Variants in DYRK2 observed in about 807,000 individuals in gnomAD.
DYRK2 encodes dual specificity tyrosine-phosphorylation-regulated kinase 2.
In DYRK2, 12 loss-of-function variants were observed where a neutral mutation model predicts 41.6. The ratio of observed to expected loss-of-function variants is 0.29; its 90% CI spans 0.18 to 0.47. The LOEUF is 0.47. DYRK2 is among the 20% of genes least tolerant of loss of function. The probability of loss-of-function intolerance (pLI) is 1.00; values close to 1 mark genes in which losing one functional copy is unlikely to be tolerated. For missense variants in DYRK2, 678 were observed against 798.4 expected (o/e 0.85, Z 1.82); for synonymous variants, 322 against 315.7 (o/e 1.02, Z -0.21).
intron 2 of DYRK2, among the ~76,000 whole-genome samples, 194 bp from the exon 3 acceptor site, chr12:67,656,912 C>T (rs754531563): frequency 7.2e-5 from 11 of 152,094 alleles, no homozygotes; most frequent in Non-Finnish European, 1.5e-4. Context: ...ATATGTACAG[C>T]AAACCATCTT....
intron 2 of DYRK2, chr12:67,651,638 A>T (rs1045246591): frequency 2.2e-6 from 1 of 455,564 alleles, no homozygotes; most frequent in Non-Finnish European, 4.4e-6. Context: ...GCTGTTAATT[A>T]TTAGATGCTT....
intron 2 of DYRK2, among the ~76,000 whole-genome samples, chr12:67,650,650 G>T (rs764305720): frequency 6.6e-6 from 1 of 152,214 alleles, no homozygotes. Context: ...GTCTCTGGGA[G>T]GGGAGAGGCC....
rs1205332391 is a variant in DYRK2, at chr12:67,664,662, A to G, written c.*5949A>G. The G allele has an allele frequency of 6.6e-6, 1 of 152,178 alleles. No individual in the cohort carries two copies. Among genetic ancestry groups the G allele is most frequent in the African/African-American group, 2.4e-5 (1 of 41,446 alleles). 9.4% of individuals were successfully genotyped at this position (152,178 alleles called of 1,614,324 possible). A position where few individuals can be genotyped will look rare whatever the true frequency, so the allele number is the denominator to read the frequency against. The stretch of plus-strand genomic sequence containing the variant: ...GGAAAATCCATAATACATAAAACAC[A>G]AAAGTTTAGAAAGGGGGGGAAGTTG... On this transcript the variant is annotated 3_prime_UTR_variant, in exon 3 of 3. Transcript: ENST00000344096.
chr12:67,662,238 A>T lies in DYRK2; in HGVS notation c.*3525A>T, dbSNP rs1426260535. On this transcript the variant is annotated 3_prime_UTR_variant, in exon 3 of 3. Transcript: ENST00000344096. ...CCCAACATAATGCTGTAATAGCATT[A>T]AAAAAAGTATTTGTGAACTCTGTTT... 1 of 166,962 alleles carries T rather than the reference A, an allele frequency of 6.0e-6. No individual in the cohort carries two copies. Among genetic ancestry groups the T allele is most frequent in the Admixed American group, 6.5e-5 (1 of 15,270 alleles). The allele number at this position is 166,962 out of a possible 1,614,324, so 10.3% of individuals were successfully genotyped here. A position where few individuals can be genotyped will look rare whatever the true frequency, so the allele number is the denominator to read the frequency against.
In DYRK2 at chr12:67,657,906, G is replaced by A; in HGVS notation, c.999G>A (p.Leu333=). Residue 333 remains leucine, a synonymous_variant, in exon 3 of 3, where the codon CTG becomes CTA. Transcript: ENST00000344096. This position sits in a 1 kb window ranked among gnomAD's most constrained non-coding sequence, Gnocchi z 4.8. ...PLVRKFAHSI[L]QCLDALHKNR... ...TTCGCAAGTTTGCCCACTCGATTCT[G>A]CAGTGCTTGGATGCTTTGCACAAAA... 1 of 1,614,246 alleles carries A rather than the reference G, an allele frequency of 6.2e-7. No homozygotes were observed. Among genetic ancestry groups the A allele is most frequent in the Non-Finnish European group, 8.5e-7 (1 of 1,180,046 alleles).
chr12:67,664,200 C>T lies in DYRK2; in HGVS notation c.*5487C>T, dbSNP rs1355616619. ...TGGTTTGTTTCCTTATTTGGTTTGA[C>T]TTTGACTTACTATTTTGCTATGGTC... On this transcript the variant is annotated 3_prime_UTR_variant, in exon 3 of 3. Coordinates refer to ENST00000344096, the MANE Select transcript of DYRK2 (RefSeq NM_006482.3). 2 of 152,068 alleles carry T rather than the reference C, an allele frequency of 1.3e-5. No individual in the cohort carries two copies. Among genetic ancestry groups the T allele is most frequent in the East Asian group, 3.8e-4 (2 of 5,196 alleles). The allele number at this position is 152,068 out of a possible 1,614,324, so 9.4% of individuals were successfully genotyped here.
chr12:67,663,527 G>A lies in DYRK2; in HGVS notation c.*4814G>A, dbSNP rs941764689. The A allele has an allele frequency of 6.6e-6, 1 of 152,044 alleles. No homozygotes were observed. Among genetic ancestry groups the A allele is most frequent in the African/African-American group, 2.4e-5 (1 of 41,404 alleles). 9.4% of individuals were successfully genotyped at this position (152,044 alleles called of 1,614,324 possible). ...TCCCAATTGCCTCGTCATAGCCTGG[G>A]CCATAGATTTTTGTTACTGCTAATC... On this transcript the variant is annotated 3_prime_UTR_variant, in exon 3 of 3. Transcript: ENST00000344096.
In DYRK2 at chr12:67,657,375, T is replaced by C. The variant is rs1357441484; in HGVS notation, c.468T>C (p.Pro156=). 1.9e-6 allele frequency: 3 copies of C among 1,614,154 alleles called. No homozygotes were observed. Among genetic ancestry groups the C allele is most frequent in the Admixed American group, 3.3e-5 (2 of 60,022 alleles). ...MGKVKATPMT[P]EQAMKQYMQK... Reference sequence around the variant, plus strand: ...AGGTGAAAGCCACCCCCATGACACCTGAACAAGCAATGAAGCAATACATGC... The same window carrying C: ...AGGTGAAAGCCACCCCCATGACACCCGAACAAGCAATGAAGCAATACATGC... Residue 156 remains proline, a synonymous_variant, in exon 3 of 3, where the codon CCT becomes CCC. Coordinates refer to ENST00000344096, the MANE Select transcript of DYRK2 (RefSeq NM_006482.3). This position sits in a 1 kb window ranked among gnomAD's most constrained non-coding sequence, Gnocchi z 4.8.
chr12:67,649,158 G>A lies in DYRK2; in HGVS notation c.25G>A (p.Ala9Thr), dbSNP rs537957540. 2.0e-6 allele frequency: 3 copies of A among 1,513,262 alleles called. No individual in the cohort carries two copies. Among genetic ancestry groups the A allele is most frequent in the African/African-American group, 1.4e-5 (1 of 69,264 alleles). 93.7% of individuals were successfully genotyped at this position (1,513,262 alleles called of 1,614,324 possible). MLTRKPSA[A>T]APAAYPTGRG... ...CATGTTAACCAGGAAACCTTCGGCC[G>A]CCGCTCCCGCCGCCTACCCGACCGG... is the stretch of plus-strand genomic sequence containing the variant. The change falls in exon 1 of 3, where the codon GCC (alanine) becomes ACC (threonine). Residue 9 changes from alanine (A) to threonine (T), a missense_variant. Ala to Thr is a moderately conservative substitution (Grantham distance 58). Around this residue, in one of 2 missense-constraint regions of DYRK2, gnomAD observed 285 missense variants for 279.2 expected, o/e 1.02. Coordinates refer to ENST00000344096, the MANE Select transcript of DYRK2 (RefSeq NM_006482.3).
In DYRK2 at chr12:67,649,847, G is replaced by C; in HGVS notation, c.100G>C (p.Gly34Arg). 1 of 1,330,010 alleles carries C rather than the reference G, an allele frequency of 7.5e-7. No individual in the cohort carries two copies. Among genetic ancestry groups the C allele is most frequent in the Non-Finnish European group, 9.7e-7 (1 of 1,034,860 alleles). The allele number at this position is 1,330,010 out of a possible 1,614,324, so 82.4% of individuals were successfully genotyped here. A position where few individuals can be genotyped will look rare whatever the true frequency, so the allele number is the denominator to read the frequency against. ...TCAGCTTCAGGCTTCCCCGGGGCTC[G>C]GTGCAGGGGCCACCCGGAGCGGAGT... is the stretch of plus-strand genomic sequence containing the variant. ...VRQLQASPGL[G>R]AGATRSGVGT... Residue 34 changes from glycine (G) to arginine (R), a missense_variant, in exon 2 of 3, where the codon GGT (glycine) becomes CGT (arginine). Gly to Arg is a moderately radical substitution (Grantham distance 125, BLOSUM62 -2). Around this residue, in one of 2 missense-constraint regions of DYRK2, gnomAD observed 285 missense variants for 279.2 expected, o/e 1.02. Coordinates refer to ENST00000344096, the MANE Select transcript of DYRK2 (RefSeq NM_006482.3).
At position 67,649,840 on chromosome 12, in the gene DYRK2, G is replaced by A. The variant is rs771339249; in HGVS notation, c.93G>A (p.Pro31=). 1 of 1,330,398 alleles carries A rather than the reference G, an allele frequency of 7.5e-7. No homozygotes were observed. Among genetic ancestry groups the A allele is most frequent in the Non-Finnish European group, 9.7e-7 (1 of 1,034,830 alleles). 82.4% of individuals were successfully genotyped at this position (1,330,398 alleles called of 1,614,324 possible). The change falls in exon 2 of 3, where the codon CCG becomes CCA. Residue 31 remains proline, a synonymous_variant. Coordinates refer to ENST00000344096, the MANE Select transcript of DYRK2 (RefSeq NM_006482.3). The part of the protein sequence containing the change: ...DSAVRQLQAS[P]GLGAGATRSG... Reference sequence around the variant, plus strand: ...CCGTTCGTCAGCTTCAGGCTTCCCCGGGGCTCGGTGCAGGGGCCACCCGGA... The same window carrying A: ...CCGTTCGTCAGCTTCAGGCTTCCCCAGGGCTCGGTGCAGGGGCCACCCGGA...
Position 67,658,310 on chromosome 12 carries a change from C to T in DYRK2, c.1403C>T (p.Thr468Met), listed in dbSNP as rs1232806533. ...SKGYPRYCTV[T>M]TLSDGSVVLN... ...GGTTATCCCCGTTACTGCACTGTCA[C>T]GACTCTCTCAGATGGCTCTGTGGTC... Residue 468 changes from threonine to methionine, a missense_variant, in exon 3 of 3, where the codon ACG becomes ATG. Thr to Met is a moderately conservative substitution (Grantham distance 81, BLOSUM62 -1). This residue lies in a region of DYRK2 where 393 missense variants were observed against 519.1 expected (regional missense o/e 0.76). Transcript: ENST00000344096. This position sits in a 1 kb window ranked among gnomAD's most constrained non-coding sequence, Gnocchi z 4.3. The T allele has an allele frequency of 1.3e-5, 21 of 1,614,052 alleles. No individual in the cohort carries two copies. Among genetic ancestry groups the T allele is most frequent in the Non-Finnish European group, 1.7e-5 (20 of 1,180,014 alleles).
rs1872712895 is a variant in DYRK2, at chr12:67,665,131, C to A, written c.*6418C>A. Reference sequence around the variant, plus strand: ...AATTTCAAATACAATTTTAAAATACCAATTTGTAAATAAACCAATTTTACA... The same window carrying A: ...AATTTCAAATACAATTTTAAAATACAAATTTGTAAATAAACCAATTTTACA... On this transcript the variant is annotated 3_prime_UTR_variant, in exon 3 of 3. Coordinates refer to ENST00000344096, the MANE Select transcript of DYRK2 (RefSeq NM_006482.3). 1 of 151,932 alleles carries A rather than the reference C, an allele frequency of 6.6e-6. No homozygotes were observed. Among genetic ancestry groups the A allele is most frequent in the Non-Finnish European group, 1.5e-5 (1 of 67,958 alleles). The allele number at this position is 151,932 out of a possible 1,614,324, so 9.4% of individuals were successfully genotyped here.
rs1872628852 is a variant in DYRK2 at position 67,661,734 on chromosome 12, T to G, written c.*3021T>G. 6.0e-6 allele frequency: 1 copy of G among 167,052 alleles called. No individual in the cohort carries two copies. Among genetic ancestry groups the G allele is most frequent in the South Asian group, 2.1e-4 (1 of 4,832 alleles). 10.3% of individuals were successfully genotyped at this position (167,052 alleles called of 1,614,324 possible). ...CCATCAGGTAGTGTTACACAAGGAC[T>G]TCCTATATTTAAGGGGTTAAAGATG... On this transcript the variant is annotated 3_prime_UTR_variant, in exon 3 of 3. Coordinates refer to ENST00000344096, the MANE Select transcript of DYRK2 (RefSeq NM_006482.3).
rs1411727851 is a variant in DYRK2, at chr12:67,660,578, T to G, written c.*1865T>G. The G allele has an allele frequency of 6.0e-6, 1 of 167,024 alleles. No individual in the cohort carries two copies. The highest frequency in any genetic ancestry group is 2.4e-5 in the African/African-American group (1 of 41,472). 10.3% of individuals were successfully genotyped at this position (167,024 alleles called of 1,614,324 possible). A position where few individuals can be genotyped will look rare whatever the true frequency, so the allele number is the denominator to read the frequency against. ...TATAGCTTCTTTTCCCTTAGTCAAA[T>G]TTTTTAGCATATTATACACATTTCT... On this transcript the variant is annotated 3_prime_UTR_variant, in exon 3 of 3. Transcript: ENST00000344096.
Position 67,660,127 on chromosome 12 carries a change from T to G in DYRK2, c.*1414T>G, listed in dbSNP as rs1872583668. The G allele has an allele frequency of 6.0e-6, 1 of 167,042 alleles. No individual in the cohort carries two copies. The highest frequency in any genetic ancestry group is 2.4e-5 in the African/African-American group (1 of 41,424). The allele number at this position is 167,042 out of a possible 1,614,324, so 10.3% of individuals were successfully genotyped here. A position where few individuals can be genotyped will look rare whatever the true frequency, so the allele number is the denominator to read the frequency against. On this transcript the variant is annotated 3_prime_UTR_variant, in exon 3 of 3. Coordinates refer to ENST00000344096, the MANE Select transcript of DYRK2 (RefSeq NM_006482.3). ...TGTATGAGCAATGATCTATATCAAT[T>G]TCAAGGCACGTGAAAAAAATTTTTT...
At chr12:67,653,189 C>T (rs79798591) in intron 2 of DYRK2, among the ~76,000 whole-genome samples, 2,930 of 152,178 alleles carry the variant, frequency 0.019, 91 homozygotes, top group African/African-American at 0.065. Flanking sequence ...TCGGAATAAG[C>T]CATGATCTCA....
At position 67,649,901 on chromosome 12, in the gene DYRK2, C is replaced by G; in HGVS notation, c.154C>G (p.Leu52Val). 1 of 1,386,420 alleles carries G rather than the reference C, an allele frequency of 7.2e-7. No homozygotes were observed. The highest frequency in any genetic ancestry group is 9.3e-7 in the Non-Finnish European group (1 of 1,076,728). 85.9% of individuals were successfully genotyped at this position (1,386,420 alleles called of 1,614,324 possible). A position where few individuals can be genotyped will look rare whatever the true frequency, so the allele number is the denominator to read the frequency against. ...GACTGGCCCGCCCTCCCCCATCGCC[C>G]TGCCGCCTCTCCGGGCCAGCAACGC... is the stretch of plus-strand genomic sequence containing the variant. ...VGTGPPSPIA[L>V]PPLRASNAAA... Residue 52 changes from leucine (L) to valine (V), a missense_variant, in exon 2 of 3, where the codon CTG becomes GTG. By Grantham distance (32) the Leu-to-Val change is conservative. This residue lies in a region of DYRK2 where 285 missense variants were observed against 279.2 expected (regional missense o/e 1.02). Transcript: ENST00000344096.
intron 1 of DYRK2, 171 bp from the exon 2 acceptor site, chr12:67,649,626 G>C: frequency 2.6e-6 from 2 of 758,466 alleles, no homozygotes; most frequent in East Asian, 3.4e-5. Context: ...CGCCCCGCCC[G>C]TGGGTGTGCG....
Sources: gnomAD v4.1 joint callset for allele counts (sites outside exome capture counted in the v4.1 genomes callset) on GRCh38, gnomAD v4.1.1 for gene constraint, gnomAD v4.1.1 regional missense constraint, Gnocchi (gnomAD v3.1) non-coding constraint, MANE v1.5 for transcripts, NCBI Gene and HGNC (gene_info 2026-07-23, HGNC 2026-07-21) for gene names.